Variants in BEST3 observed in about 807,000 individuals in gnomAD.
The protein encoded by BEST3 is bestrophin-3.
A neutral mutation model predicts 47.1 loss-of-function variants in BEST3; 50 were observed. The observed-to-expected ratio is 1.06, with a 90% confidence interval of 0.85 to 1.34. The LOEUF is 1.34. Among genes scored for constraint, BEST3 ranks in the 40% most tolerant of loss-of-function variants. The pLI, the probability that BEST3 is intolerant of heterozygous loss-of-function variation, is 0.00. For missense variants in BEST3, 765 were observed against 817.0 expected, an observed-to-expected ratio of 0.94 and a Z score of 0.78; for synonymous variants, 282 against 298.8, an observed-to-expected ratio of 0.94 and a Z score of 0.58.
chr12:69,683,138 G>T (rs933213441), intron 4 of BEST3: 1 of 152,118 alleles, frequency 6.6e-6, no homozygotes, highest in Non-Finnish European at 1.5e-5. Flanking sequence ...TCCTTTCTTA[G>T]CTTCTAAGCA....
intron 4 of BEST3, among the ~76,000 whole-genome samples, chr12:69,684,795 T>C (rs12425422): frequency 6.6e-6 from 1 of 152,010 alleles, no homozygotes; most frequent in African/African-American, 2.4e-5. Flanking sequence ...TCCCTGTCAA[T>C]TGGGAAAATC....
At chr12:69,677,945 T>C (rs1885019232) in intron 5 of BEST3, among the ~76,000 whole-genome samples, 1 of 152,224 alleles carries the variant, frequency 6.6e-6, no homozygotes, top group South Asian at 2.1e-4. Context: ...AGCAAATTTT[T>C]TGTTTCTCTC....
chr12:69,693,997 A>G, intron 3 of BEST3, 90 bp from the exon 4 acceptor site: 1 of 969,896 alleles, frequency 1.0e-6, no homozygotes, highest in Non-Finnish European at 1.5e-6. Flanking sequence ...GCCTTTTTAG[A>G]GGTTGGAGGA....
In BEST3 at chr12:69,654,819, C is replaced by T. The variant is rs996941273; in HGVS notation, c.*88G>A. On this transcript the variant is annotated 3_prime_UTR_variant, in exon 10 of 10. Transcript: ENST00000330891. Reference sequence around the variant, plus strand: ...TGATCATGTTTTTTAAAAAGTCGACCAGCCTTCAGGTATGTCCTGGGCCTA... The same window carrying T: ...TGATCATGTTTTTTAAAAAGTCGACTAGCCTTCAGGTATGTCCTGGGCCTA... 83 of 1,500,882 alleles carry T rather than the reference C, an allele frequency of 5.5e-5. No homozygotes were observed. Among genetic ancestry groups the T allele is most frequent in the Non-Finnish European group, 7.1e-5 (80 of 1,126,744 alleles). 93.0% of individuals were successfully genotyped at this position (1,500,882 alleles called of 1,614,324 possible). A position where few individuals can be genotyped will look rare whatever the true frequency, so the allele number is the denominator to read the frequency against.
intron 4 of BEST3, among the ~76,000 whole-genome samples, chr12:69,680,055 A>T (rs183970065): frequency 2.0e-5 from 3 of 152,196 alleles, no homozygotes; most frequent in African/African-American, 7.2e-5. Flanking sequence ...GATGATGAAC[A>T]TGTGTCAAGA....
rs1366511349 is a variant in BEST3, at chr12:69,693,777, C to T, written c.378G>A (p.Arg126=). Residue 126 remains arginine, a synonymous_variant, in exon 4 of 10, where the codon AGG becomes AGA. Transcript: ENST00000330891. ...TGAGATTGACGTAGCGCATCAGCGT[C>T]CTTCTAAGCAGGCGCCCGTGCTCGT... ...GSDEHGRLLR[R]TLMRYVNLTS... 2 of 1,614,032 alleles carry T rather than the reference C, an allele frequency of 1.2e-6. No individual in the cohort carries two copies. The highest frequency in any genetic ancestry group is 1.1e-5 in the South Asian group (1 of 91,082).
At chr12:69,648,456 A>T (rs1291129845) in intron 9 of BEST3, among the ~76,000 whole-genome samples, 1 of 152,194 alleles carries the variant, frequency 6.6e-6, no homozygotes, top group Non-Finnish European at 1.5e-5. Flanking sequence ...TATACAAGCA[A>T]AGGGCTTCAT....
chr12:69,678,940 A>C (rs777962994), intron 4 of BEST3, 47 bp from the exon 5 acceptor site: 1 of 1,446,550 alleles, frequency 6.9e-7, no homozygotes, highest in Non-Finnish European at 9.6e-7. Context: ...TTAGTTTGAC[A>C]CTAATACGTT....
intron 4 of BEST3, among the ~76,000 whole-genome samples, chr12:69,682,605 T>A (rs1162861984): frequency 6.6e-6 from 1 of 152,002 alleles, no homozygotes; most frequent in African/African-American, 2.4e-5. Context: ...GGACAGAGTC[T>A]CCGTCTGTCA....
chr12:69,680,792 C>T (rs1346297344), intron 4 of BEST3, among the ~76,000 whole-genome samples: 1 of 151,972 alleles, frequency 6.6e-6, no homozygotes, highest in Non-Finnish European at 1.5e-5. Context: ...TCATACAGGC[C>T]TATTTTTAAA....
intron 4 of BEST3, among the ~76,000 whole-genome samples, chr12:69,681,019 A>G (rs1885225725): frequency 6.6e-6 from 1 of 151,730 alleles, no homozygotes; most frequent in Non-Finnish European, 1.5e-5. Context: ...GTTGTTTTTT[A>G]TTTTTTTGCT....
intron 2 of BEST3, among the ~76,000 whole-genome samples, chr12:69,694,859 T>A (rs1260986753): frequency 1.3e-5 from 2 of 152,210 alleles, no homozygotes; most frequent in Admixed American, 6.5e-5. Flanking sequence ...TATTAAGTAA[T>A]TGTTAAATAA....
chr12:69,694,651 A>G (rs1886068002), intron 2 of BEST3, among the ~76,000 whole-genome samples, 187 bp from the exon 3 acceptor site: 1 of 152,176 alleles, frequency 6.6e-6, no homozygotes, highest in South Asian at 2.1e-4. Flanking sequence ...CTCAAGTGCT[A>G]ACATTTTGTA....
At chr12:69,658,545 G>C (rs570059504) in intron 9 of BEST3, among the ~76,000 whole-genome samples, 2 of 152,132 alleles carry the variant, frequency 1.3e-5, no homozygotes, top group African/African-American at 2.4e-5. Context: ...TTATTCACCC[G>C]ACTAAATTTA....
chr12:69,678,822 A>G lies in BEST3; in HGVS notation c.553T>C (p.Phe185Leu), dbSNP rs1339776908. Residue 185 changes from phenylalanine (F) to leucine (L), a missense_variant, in exon 5 of 10, where the codon TTC (phenylalanine) becomes CTC (leucine). Coordinates refer to ENST00000330891, the MANE Select transcript of BEST3 (RefSeq NM_032735.3). ...KSPHLKYWVPFIWFGNLATKA... is the reference protein window; with the variant it reads ...KSPHLKYWVPLIWFGNLATKA... ...GTTGCAAGATTTCCAAACCAGATGA[A>G]TGGAACCCAATATTTCAGATGAGGA... 1 of 1,613,922 alleles carries G rather than the reference A, an allele frequency of 6.2e-7. No individual in the cohort carries two copies. The highest frequency in any genetic ancestry group is 8.5e-7 in the Non-Finnish European group (1 of 1,179,788).
intron 9 of BEST3, among the ~76,000 whole-genome samples, chr12:69,662,141 GT>G (rs1883910579): frequency 6.6e-6 from 1 of 152,182 alleles, no homozygotes; most frequent in South Asian, 2.1e-4. Context: ...GAATCCTTGA[GT>G]AAGTTCTAAA....
At chr12:69,671,951 G>A (rs2135962928) in intron 8 of BEST3, among the ~76,000 whole-genome samples, 1 of 152,304 alleles carries the variant, frequency 6.6e-6, no homozygotes, top group East Asian at 1.9e-4. Context: ...ATTACAGGAA[G>A]GTGAAGATTC....
Position 69,693,738 on chromosome 12 carries a change from G to A in BEST3, c.417C>T (p.Ile139=), listed in dbSNP as rs1430842216. Residue 139 remains isoleucine, a synonymous_variant, in exon 4 of 10, where the codon ATC becomes ATT. Coordinates refer to ENST00000330891, the MANE Select transcript of BEST3 (RefSeq NM_032735.3). ...MRYVNLTSLL[I]FRSVSTAVYK... is the part of the protein sequence containing the mutation. ...ACACAGCAGTGCTCACCGAGCGAAAGATGAGCAGGGAGGTGAGATTGACGT... is the reference window on the plus strand; with the variant it reads ...ACACAGCAGTGCTCACCGAGCGAAAAATGAGCAGGGAGGTGAGATTGACGT... The A allele has an allele frequency of 6.2e-7, 1 of 1,614,082 alleles. No individual in the cohort carries two copies. Among genetic ancestry groups the A allele is most frequent in the African/African-American group, 1.3e-5 (1 of 74,932 alleles).
chr12:69,648,331 T>C (rs998014415), intron 9 of BEST3, among the ~76,000 whole-genome samples: 1 of 151,998 alleles, frequency 6.6e-6, no homozygotes, highest in African/African-American at 2.4e-5. Flanking sequence ...GTAGATAAGA[T>C]TTACAAGAGG....
Sources: allele counts gnomAD v4.1 joint callset (sites outside exome capture counted in the v4.1 genomes callset), GRCh38; gene constraint gnomAD v4.1.1; transcripts MANE v1.5; gene names NCBI Gene and HGNC (gene_info 2026-07-23, HGNC 2026-07-21).